The following DTX4 variants were observed in gnomAD, a reference collection of about 807,000 sequenced individuals.
The protein encoded by DTX4 is E3 ubiquitin-protein ligase DTX4.
In DTX4, 28 loss-of-function variants were observed where a neutral mutation model predicts 57.6. That is an observed-to-expected ratio of 0.49 (90% CI 0.36 to 0.67). DTX4 has a LOEUF of 0.67. DTX4 is among the 30% of genes least tolerant of loss of function. The pLI is 0.00. For synonymous variants in DTX4, 316 were observed against 331.0 expected (o/e 0.95, Z 0.49); for missense variants, 715 against 836.8 (o/e 0.85, Z 1.80).
At chr11:59,187,531 A>C (rs944751974) in intron 2 of DTX4, among the ~76,000 whole-genome samples, 59 of 152,220 alleles carry the variant, frequency 3.9e-4, no homozygotes, top group African/African-American at 1.4e-3. Flanking sequence ...GGGCTCAATA[A>C]ACACTTTTTG....
intron 4 of DTX4, among the ~76,000 whole-genome samples, chr11:59,190,813 G>A (rs1419317747): frequency 1.3e-5 from 2 of 152,150 alleles, no homozygotes; most frequent in Non-Finnish European, 2.9e-5. Context: ...CAAATCATTT[G>A]ATTATAAGGA....
At position 59,204,874 on chromosome 11, in the gene DTX4, A is replaced by T; in HGVS notation, c.1825A>T (p.Ile609Phe). The T allele has an allele frequency of 6.3e-7, 1 of 1,595,230 alleles. No homozygotes were observed. The highest frequency in any genetic ancestry group is 2.3e-5 in the East Asian group (1 of 43,936). Residue 609 changes from isoleucine to phenylalanine, a missense_variant, in exon 9 of 9, where the codon ATC becomes TTC. Physicochemically the swap from Ile to Phe is conservative, Grantham distance 21 (BLOSUM62 0). Coordinates refer to ENST00000227451, the MANE Select transcript of DTX4 (RefSeq NM_015177.2). ...GCTGGCTGAACTGGCTGCCCAGGGC[A>T]TCTCTGAGGACAGCACTGCCCAGGA... ...NVLAELAAQG[I>F]SEDSTAQEKD
In DTX4 at chr11:59,195,219, G is replaced by T. The variant is rs1862648961; in HGVS notation, c.1386G>T (p.Leu462Phe). ...CCTTGGCCCCTCAGGATGGAAGTTT[G>T]CAGTGTCCAACCTGCAAGACCATTT... ...MYNNGNKDGS[L>F]QCPTCKTIYG... The change falls in exon 7 of 9, where the codon TTG becomes TTT. Residue 462 changes from leucine (L) to phenylalanine (F), a missense_variant. Leu to Phe is a conservative substitution (Grantham distance 22, BLOSUM62 0). Coordinates refer to ENST00000227451, the MANE Select transcript of DTX4 (RefSeq NM_015177.2). The T allele has an allele frequency of 1.9e-6, 3 of 1,613,958 alleles. No individual in the cohort carries two copies. Among genetic ancestry groups the T allele is most frequent in the Non-Finnish European group, 1.7e-6 (2 of 1,179,870 alleles).
chr11:59,176,411 G>A (rs1035020124), intron 1 of DTX4, among the ~76,000 whole-genome samples: 1 of 152,224 alleles, frequency 6.6e-6, no homozygotes, highest in Non-Finnish European at 1.5e-5. Flanking sequence ...GCTAGTCAAT[G>A]GCAGGGCCGA....
At position 59,172,763 on chromosome 11, in the gene DTX4, C is replaced by T; in HGVS notation, c.168C>T (p.Tyr56=). 1.2e-6 allele frequency: 2 copies of T among 1,600,278 alleles called. No homozygotes were observed. Among genetic ancestry groups the T allele is most frequent in the South Asian group, 2.2e-5 (2 of 89,412 alleles). ...AGGTGGACAGCCGTCTCGCGCCCTA[C>T]ATCATCGACCTGCAGTCCATGAACC... ...LGQVDSRLAP[Y]IIDLQSMNQF... Residue 56 remains tyrosine (Y), a synonymous_variant, in exon 1 of 9, where the codon TAC becomes TAT. Coordinates refer to ENST00000227451, the MANE Select transcript of DTX4 (RefSeq NM_015177.2).
At chr11:59,177,284 A>G (rs1862407549) in intron 1 of DTX4, among the ~76,000 whole-genome samples, 1 of 152,186 alleles carries the variant, frequency 6.6e-6, no homozygotes, top group African/African-American at 2.4e-5. Context: ...TGTAGGTCTC[A>G]AGGGCACTGC....
At position 59,181,759 on chromosome 11, in the gene DTX4, C is replaced by G. The variant is rs755502863; in HGVS notation, c.232C>G (p.Arg78Gly). Residue 78 changes from arginine (R) to glycine (G), a missense_variant, in exon 2 of 9, where the codon CGC becomes GGC. Coordinates refer to ENST00000227451, the MANE Select transcript of DTX4 (RefSeq NM_015177.2). ...GGCAGGAACTCTCCGCCCAGTTCGC[C>G]GCAACTACTACGACCCCTCCTCGGC... ...QDTGTLRPVR[R>G]NYYDPSSAPG... is the part of the protein sequence containing the mutation. 6.2e-7 allele frequency: 1 copy of G among 1,607,472 alleles called. No individual in the cohort carries two copies. The highest frequency in any genetic ancestry group is 8.5e-7 in the Non-Finnish European group (1 of 1,175,646).
Position 59,172,667 on chromosome 11 carries a change from A to G in DTX4, c.72A>G (p.Pro24=). ...ACGGCCGCTGGCGTCCCTACAGCCC[A>G]GCGGTGAGCCACCACATCGAGGCGG... The part of the protein sequence containing the change: ...NEHGRWRPYS[P]AVSHHIEAVV... The change falls in exon 1 of 9, where the codon CCA becomes CCG. Residue 24 remains proline, a synonymous_variant. Coordinates refer to ENST00000227451, the MANE Select transcript of DTX4 (RefSeq NM_015177.2). 1 of 1,599,502 alleles carries G rather than the reference A, an allele frequency of 6.3e-7. No individual in the cohort carries two copies. The highest frequency in any genetic ancestry group is 1.1e-5 in the South Asian group (1 of 89,874).
chr11:59,173,755 G>A (rs1372046980), intron 1 of DTX4, among the ~76,000 whole-genome samples: 1 of 152,094 alleles, frequency 6.6e-6, no homozygotes, highest in East Asian at 1.9e-4. Context: ...GCCAGGAAGG[G>A]AGCCTCCAGG....
chr11:59,178,723 G>C (rs1862424829), intron 1 of DTX4, among the ~76,000 whole-genome samples: 1 of 152,226 alleles, frequency 6.6e-6, no homozygotes, highest in Non-Finnish European at 1.5e-5. Context: ...CAGGCTTCCT[G>C]AGGGTGGGGC....
At chr11:59,192,396 C>T in intron 6 of DTX4, 146 bp downstream of exon 6, 1 of 959,196 alleles carries the variant, frequency 1.0e-6, no homozygotes, top group Non-Finnish European at 1.6e-6. Context: ...CTTGGCTGTT[C>T]TCAGCAGGAT....
intron 6 of DTX4, among the ~76,000 whole-genome samples, chr11:59,193,606 A>T (rs7951382): frequency 0.045 from 6,842 of 152,268 alleles, 305 homozygotes; most frequent in African/African-American, 0.1. Context: ...GTAACTCTAC[A>T]TTTATTTCCA....
intron 1 of DTX4, among the ~76,000 whole-genome samples, chr11:59,175,902 T>TC (rs1481923542): frequency 1.3e-5 from 2 of 152,224 alleles, no homozygotes; most frequent in East Asian, 3.9e-4. Flanking sequence ...TCATTTTTTT[T>TC]TTTTTTTTTA....
chr11:59,192,271 C>A, intron 6 of DTX4, 21 bp downstream of exon 6: 1 of 1,613,356 alleles, frequency 6.2e-7, no homozygotes, highest in Admixed American at 1.7e-5. Flanking sequence ...GCCTATGGGG[C>A]TCCTGCCACC....
At chr11:59,189,357 T>A in intron 4 of DTX4, 34 bp downstream of exon 4, 3 of 1,495,792 alleles carry the variant, frequency 2.0e-6, no homozygotes, top group Non-Finnish European at 2.7e-6. Flanking sequence ...GTACTGAGAG[T>A]CAAAGACTTG....
intron 2 of DTX4, among the ~76,000 whole-genome samples, chr11:59,185,046 C>T (rs899586310): frequency 3.3e-5 from 5 of 152,114 alleles, no homozygotes; most frequent in Non-Finnish European, 5.9e-5. Flanking sequence ...CCAGGGAGGG[C>T]GGGAGGAGTG....
chr11:59,183,305 G>A (rs1017071664), intron 2 of DTX4, among the ~76,000 whole-genome samples: 37 of 152,224 alleles, frequency 2.4e-4, no homozygotes, highest in African/African-American at 7.7e-4. Context: ...TTGGAATACC[G>A]GCCTATTTTT....
At chr11:59,191,595 G>A (rs1862599961) in intron 5 of DTX4, among the ~76,000 whole-genome samples, 1 of 152,186 alleles carries the variant, frequency 6.6e-6, no homozygotes, top group Non-Finnish European at 1.5e-5. Flanking sequence ...GCAGAGGCCA[G>A]GGATGGTGCT....
chr11:59,207,660 C>G lies in DTX4; in HGVS notation c.*2751C>G, dbSNP rs1408917298. 3 of 152,810 alleles carry G rather than the reference C, an allele frequency of 2.0e-5. No individual in the cohort carries two copies. Among genetic ancestry groups the G allele is most frequent in the Non-Finnish European group, 2.9e-5 (2 of 68,168 alleles). The allele number at this position is 152,810 out of a possible 1,614,324, so 9.5% of individuals were successfully genotyped here. On this transcript the variant is annotated 3_prime_UTR_variant, in exon 9 of 9. Transcript: ENST00000227451. ...GTGTTTTCCCACTAGAAGCTCTGCT[C>G]TGCTCTCCTGGCCCAAGTAGGGGAT...
Sources: gnomAD v4.1 joint callset for allele counts (sites outside exome capture counted in the v4.1 genomes callset) on GRCh38, gnomAD v4.1.1 for gene constraint, MANE v1.5 for transcripts, NCBI Gene and HGNC (gene_info 2026-07-23, HGNC 2026-07-21) for gene names.